Variants in ACVR1 observed in about 807,000 individuals in gnomAD.
ACVR1 encodes the protein activin A receptor type 1, also known as activin receptor type-1.
A neutral mutation model predicts 57.1 loss-of-function variants in ACVR1; 38 were observed. The ratio of observed to expected loss-of-function variants is 0.67; its 90% CI spans 0.51 to 0.87. The LOEUF is 0.87. ACVR1 is among the 40% of genes least tolerant of loss of function. ACVR1 has a pLI of 0.00. For synonymous variants in ACVR1, 212 were observed against 228.1 expected (o/e 0.93, Z 0.63); for missense variants, 463 against 638.2 (o/e 0.73, Z 2.96).
intron 1 of ACVR1, among the ~76,000 whole-genome samples, chr2:157,845,160 C>G (rs1033346187): frequency 6.6e-6 from 1 of 152,114 alleles, no homozygotes; most frequent in Non-Finnish European, 1.5e-5. Flanking sequence ...GTCAAGAGGT[C>G]ACAGAAATAA....
intron 3 of ACVR1, among the ~76,000 whole-genome samples, chr2:157,795,998 C>T (rs914105184): frequency 1.3e-5 from 2 of 151,908 alleles, no homozygotes; most frequent in Non-Finnish European, 2.9e-5. Flanking sequence ...TAGAGGTGGG[C>T]GGACTGCTTG....
chr2:157,789,431 A>G (rs1686829823), intron 3 of ACVR1, among the ~76,000 whole-genome samples: 1 of 152,216 alleles, frequency 6.6e-6, no homozygotes, highest in African/African-American at 2.4e-5. Context: ...GAGAGCAACA[A>G]ACAAGAGTTT....
At chr2:157,863,258 C>T (rs1248794646) in intron 1 of ACVR1, among the ~76,000 whole-genome samples, 1 of 148,676 alleles carries the variant, frequency 6.7e-6, no homozygotes, top group African/African-American at 2.5e-5. Context: ...GGTGATCTGG[C>T]CTCCTCTGCC....
intron 3 of ACVR1, among the ~76,000 whole-genome samples, chr2:157,796,496 G>A (rs1687130257): frequency 6.6e-6 from 1 of 152,128 alleles, no homozygotes; most frequent in Non-Finnish European, 1.5e-5. Flanking sequence ...GAAGGTTGCA[G>A]TGAGCTGATA....
rs750691291 is a variant in ACVR1, at chr2:157,770,440, G to A, written c.718C>T (p.Arg240Cys). The A allele has an allele frequency of 6.2e-6, 10 of 1,614,008 alleles. No individual in the cohort carries two copies. Among genetic ancestry groups the A allele is most frequent in the Middle Eastern group, 1.6e-4 (1 of 6,062 alleles). ...TCCCTGAACCATGACTTCTCATCAC[G>A]GGAGGAGAAGATCTTCACGGCAACA... ...ENVAVKIFSS[R>C]DEKSWFRETE... The change falls in exon 7 of 11, where the codon CGT becomes TGT. Residue 240 changes from arginine (R) to cysteine (C), a missense_variant. Physicochemically the swap from Arg to Cys is radical, Grantham distance 180. This residue lies in a region of ACVR1 where 114 missense variants were observed against 216.2 expected (regional missense o/e 0.53). Coordinates refer to ENST00000434821, the MANE Select transcript of ACVR1 (RefSeq NM_001111067.4).
chr2:157,741,710 A>C (rs1684777044), intron 9 of ACVR1, among the ~76,000 whole-genome samples: 1 of 152,034 alleles, frequency 6.6e-6, no homozygotes, highest in Admixed American at 6.6e-5. Context: ...GTGAAAGAAA[A>C]AAAATTACAG....
intron 9 of ACVR1, among the ~76,000 whole-genome samples, chr2:157,740,055 G>A (rs1422506509): frequency 2.0e-5 from 3 of 151,902 alleles, no homozygotes; most frequent in African/African-American, 7.3e-5. Context: ...GTGTTGGCGC[G>A]TGCCTGTAGT....
intron 8 of ACVR1, 114 bp downstream of exon 8, chr2:157,765,807 C>T (rs1685841155): frequency 1.8e-6 from 2 of 1,097,496 alleles, no homozygotes; most frequent in Non-Finnish European, 2.7e-6. Flanking sequence ...AAATGTTCAA[C>T]TTTTCTGCAT....
intron 1 of ACVR1, among the ~76,000 whole-genome samples, chr2:157,842,453 A>G (rs1293056287): frequency 6.6e-6 from 1 of 152,200 alleles, no homozygotes; most frequent in Non-Finnish European, 1.5e-5. Flanking sequence ...TAGGCACTGG[A>G]GGTATGACAT....
chr2:157,820,753 AT>A (rs1688134582), intron 1 of ACVR1, among the ~76,000 whole-genome samples: 1 of 152,014 alleles, frequency 6.6e-6, no homozygotes. Context: ...TTCCCCTGGT[AT>A]TTATATTCTA....
chr2:157,836,275 C>G (rs1024730243), intron 1 of ACVR1, among the ~76,000 whole-genome samples: 1 of 152,146 alleles, frequency 6.6e-6, no homozygotes, highest in South Asian at 2.1e-4. Context: ...AAGGTTTGCC[C>G]GTGACCTTAC....
intron 6 of ACVR1, among the ~76,000 whole-genome samples, chr2:157,772,815 C>T (rs1015516700): frequency 6.6e-6 from 1 of 152,134 alleles, no homozygotes; most frequent in Non-Finnish European, 1.5e-5. Flanking sequence ...CACAATCTGC[C>T]GTGGAGGAGA....
Position 157,738,578 on chromosome 2 carries a change from C to G in ACVR1, c.1265-8G>C. On this transcript the variant is annotated splice_polypyrimidine_tract_variant and splice_region_variant and intron_variant, in intron 9 of 10. Transcript: ENST00000434821. The stretch of plus-strand genomic sequence containing the variant: ...TGTAATCCTCCACTATACCTGCACA[C>G]AAGGACAAGAATTGTGTTCGGTTAG... The G allele has an allele frequency of 6.2e-7, 1 of 1,613,992 alleles. No individual in the cohort carries two copies. The highest frequency in any genetic ancestry group is 8.5e-7 in the Non-Finnish European group (1 of 1,179,922).
At chr2:157,850,235 C>T (rs2105364105) in intron 1 of ACVR1, among the ~76,000 whole-genome samples, 1 of 152,104 alleles carries the variant, frequency 6.6e-6, no homozygotes, top group Admixed American at 6.5e-5. Flanking sequence ...ATTAAAAATA[C>T]AAAACTTAGC....
chr2:157,766,182 C>A lies in ACVR1; in HGVS notation c.805G>T (p.Asp269Tyr). ...GTACTGGAGTGTCTTGATGTCATGTCTGAAGCAATGAAACCTGGAGAGAGC... is the reference window on the plus strand; with the variant it reads ...GTACTGGAGTGTCTTGATGTCATGTATGAAGCAATGAAACCTGGAGAGAGC... ...HENILGFIASDMTSRHSSTQL... is the reference protein window; with the variant it reads ...HENILGFIASYMTSRHSSTQL... Residue 269 changes from aspartate to tyrosine, a missense_variant, in exon 8 of 11, where the codon GAC (aspartate) becomes TAC (tyrosine). Physicochemically the swap from Asp to Tyr is radical, Grantham distance 160. Around this residue, in one of 3 missense-constraint regions of ACVR1, gnomAD observed 114 missense variants for 216.2 expected, o/e 0.53. Transcript: ENST00000434821. 6.2e-7 allele frequency: 1 copy of A among 1,614,014 alleles called. No homozygotes were observed. Among genetic ancestry groups the A allele is most frequent in the Non-Finnish European group, 8.5e-7 (1 of 1,179,986 alleles).
chr2:157,863,644 C>A (rs932105592), intron 1 of ACVR1, among the ~76,000 whole-genome samples: 3 of 151,202 alleles, frequency 2.0e-5, no homozygotes, highest in Admixed American at 1.3e-4. Flanking sequence ...TTGCAGTAAG[C>A]CGAGATCACG....
intron 3 of ACVR1, among the ~76,000 whole-genome samples, chr2:157,781,731 T>C (rs1221451847): frequency 6.6e-6 from 1 of 152,216 alleles, no homozygotes; most frequent in Non-Finnish European, 1.5e-5. Context: ...AGAATACTTA[T>C]TTGCATCTGC....
chr2:157,833,543 C>T (rs1466823234), intron 1 of ACVR1, among the ~76,000 whole-genome samples: 1 of 152,120 alleles, frequency 6.6e-6, no homozygotes, highest in Non-Finnish European at 1.5e-5. Flanking sequence ...TATGATGGGA[C>T]ATGAAAGTAC....
At chr2:157,738,961 G>A (rs1469705906) in intron 9 of ACVR1, among the ~76,000 whole-genome samples, 1 of 152,226 alleles carries the variant, frequency 6.6e-6, no homozygotes, top group East Asian at 2.0e-4. Flanking sequence ...CCTGAATCTA[G>A]TGGTTTCAAA....
Sources: allele counts gnomAD v4.1 joint callset (sites outside exome capture counted in the v4.1 genomes callset), GRCh38; gene constraint gnomAD v4.1.1; regional missense constraint gnomAD v4.1.1; transcripts MANE v1.5; gene names NCBI Gene and HGNC (gene_info 2026-07-23, HGNC 2026-07-21).